The following RBMS1 variants were observed in gnomAD, a reference collection of about 807,000 sequenced individuals.
RBMS1 encodes the protein RNA binding motif single stranded interacting protein 1.
A neutral mutation model predicts 62.3 loss-of-function variants in RBMS1; 17 were observed. That is an observed-to-expected ratio of 0.27 (90% CI 0.19 to 0.41). The LOEUF (loss-of-function observed/expected upper bound fraction) is 0.41. RBMS1 is among the 10% of genes least tolerant of loss of function. The pLI, the probability that RBMS1 is intolerant of heterozygous loss-of-function variation, is 1.00. For missense variants in RBMS1, 334 were observed against 504.5 expected (o/e 0.66, Z 3.24); for synonymous variants, 172 against 170.0 (o/e 1.01, Z -0.09).
chr2:160,279,353 TAGG>T (rs1687991184), intron 10 of RBMS1: 1 of 150,590 alleles, frequency 6.6e-6, no homozygotes, highest in African/African-American at 2.5e-5. Flanking sequence ...TTTAGGAAAA[TAGG>T]AGGGAAAAAA....
intron 1 of RBMS1, among the ~76,000 whole-genome samples, chr2:160,449,999 C>T (rs13015591): frequency 0.21 from 32,231 of 151,828 alleles, 4,022 homozygotes; most frequent in Admixed American, 0.37. Context: ...TACAAACAAG[C>T]CCCACCTCAA....
chr2:160,398,068 T>C (rs1185285130), intron 1 of RBMS1, among the ~76,000 whole-genome samples: 2 of 152,186 alleles, frequency 1.3e-5, no homozygotes, highest in East Asian at 3.9e-4. Flanking sequence ...TCCCCAGAGC[T>C]CCGGTTCTCT....
chr2:160,379,077 G>GGCAT (rs1318972161), intron 1 of RBMS1, among the ~76,000 whole-genome samples: 1 of 152,084 alleles, frequency 6.6e-6, no homozygotes, highest in African/African-American at 2.4e-5. Context: ...AAATCAGCTG[G>GGCAT]GCATGGTGGT....
intron 1 of RBMS1, chr2:160,492,910 G>A (rs1203350689): frequency 1.5e-5 from 3 of 198,206 alleles, no homozygotes; most frequent in African/African-American, 7.0e-5. Flanking sequence ...TGGAGAAGGG[G>A]TCGAAAAGCC....
intron 2 of RBMS1, among the ~76,000 whole-genome samples, chr2:160,365,145 C>G (rs1436993048): frequency 6.6e-6 from 1 of 152,182 alleles, no homozygotes; most frequent in Non-Finnish European, 1.5e-5. Context: ...GCTTTCTCTA[C>G]ATTCTAAGGC....
intron 1 of RBMS1, among the ~76,000 whole-genome samples, chr2:160,424,310 C>T (rs1232164997): frequency 3.3e-5 from 5 of 151,342 alleles, no homozygotes; most frequent in African/African-American, 1.2e-4. Context: ...TGAGCCACCG[C>T]ACCCAGCCAA....
chr2:160,468,150 A>G (rs1010295254), intron 1 of RBMS1, among the ~76,000 whole-genome samples: 6 of 152,218 alleles, frequency 3.9e-5, no homozygotes, highest in Admixed American at 2.6e-4. Flanking sequence ...TGGGGAGGAA[A>G]GGTGTGCATT....
intron 1 of RBMS1, among the ~76,000 whole-genome samples, chr2:160,371,835 C>T (rs992734941): frequency 6.6e-6 from 1 of 152,126 alleles, no homozygotes; most frequent in African/African-American, 2.4e-5. Flanking sequence ...GCCTCCTTCC[C>T]GCCAGAAGCC....
At chr2:160,450,653 G>T (rs1683945128) in intron 1 of RBMS1, among the ~76,000 whole-genome samples, 1 of 151,300 alleles carries the variant, frequency 6.6e-6, no homozygotes, top group Non-Finnish European at 1.5e-5. Context: ...TCTTCCTTTG[G>T]ATTAAATCAT....
At chr2:160,439,911 C>T (rs1286771643) in intron 1 of RBMS1, among the ~76,000 whole-genome samples, 1 of 152,012 alleles carries the variant, frequency 6.6e-6, no homozygotes, top group African/African-American at 2.4e-5. Flanking sequence ...GAAAACCAGT[C>T]AGGCGTGGCG....
chr2:160,379,021 A>G (rs1694144192), intron 1 of RBMS1, among the ~76,000 whole-genome samples: 1 of 152,154 alleles, frequency 6.6e-6, no homozygotes, highest in Non-Finnish European at 1.5e-5. Context: ...GGAGTTCAAA[A>G]CCAGCATGGG....
chr2:160,374,640 A>T (rs1693898816), intron 1 of RBMS1, among the ~76,000 whole-genome samples: 1 of 152,284 alleles, frequency 6.6e-6, no homozygotes. Context: ...ATAATAATAA[A>T]AAAAATTGGC....
At chr2:160,300,543 T>C (rs1689154366) in intron 6 of RBMS1, 108 bp downstream of exon 6, 4 of 1,362,376 alleles carry the variant, frequency 2.9e-6, no homozygotes, top group Non-Finnish European at 3.8e-6. Context: ...AAATGCATCT[T>C]AAAGAGTGAA....
At chr2:160,491,750 G>T (rs1273781085) in intron 1 of RBMS1, among the ~76,000 whole-genome samples, 1 of 152,158 alleles carries the variant, frequency 6.6e-6, no homozygotes, top group Non-Finnish European at 1.5e-5. Flanking sequence ...TATCTAAAAG[G>T]TAGTGCATTG....
At chr2:160,437,846 C>T (rs1683174920) in intron 1 of RBMS1, among the ~76,000 whole-genome samples, 1 of 152,146 alleles carries the variant, frequency 6.6e-6, no homozygotes, top group Non-Finnish European at 1.5e-5. Context: ...AGTCAAGTTC[C>T]AATTATCGCC....
At chr2:160,339,357 G>GA (rs1691742671) in intron 2 of RBMS1, among the ~76,000 whole-genome samples, 1 of 151,930 alleles carries the variant, frequency 6.6e-6, no homozygotes, top group African/African-American at 2.4e-5. Flanking sequence ...AAAATTCCAG[G>GA]AAAAAAATAT....
chr2:160,308,374 T>C lies in RBMS1; in HGVS notation c.402+4782A>G, dbSNP rs60088345. On this transcript the variant is annotated intron_variant, in intron 4 of 13. Coordinates refer to ENST00000348849, the MANE Select transcript of RBMS1 (RefSeq NM_016836.4). ...TCACCCCACTGCACTCCAGCCTGGG[T>C]GACAGAGCCAGATCTGGTCTCAAAA... 2.8e-3 allele frequency among the ~76,000 whole-genome samples: 418 copies of C among 151,956 alleles called. 18 individuals are homozygous for C. The East Asian group carries it at 0.063, about 23-fold the overall frequency.
chr2:160,470,647 G>GC (rs1684877794), intron 1 of RBMS1, among the ~76,000 whole-genome samples: 1 of 118,890 alleles, frequency 8.4e-6, no homozygotes, highest in African/African-American at 2.8e-5. Flanking sequence ...TATTTCTCTA[G>GC]TTTTTCTGCA....
At chr2:160,442,143 T>A (rs1174850303) in intron 1 of RBMS1, among the ~76,000 whole-genome samples, 1 of 152,188 alleles carries the variant, frequency 6.6e-6, no homozygotes, top group African/African-American at 2.4e-5. Context: ...AGCAGAAATG[T>A]TTAATTTTGA....
Sources: allele counts gnomAD v4.1 joint callset (sites outside exome capture counted in the v4.1 genomes callset), GRCh38; gene constraint gnomAD v4.1.1; transcripts MANE v1.5; gene names NCBI Gene and HGNC (gene_info 2026-07-23, HGNC 2026-07-21).